The following CRIM1 variants were observed in gnomAD, a reference collection of about 807,000 sequenced individuals.
CRIM1 encodes cysteine-rich motor neuron 1 protein.
A neutral mutation model predicts 116.4 loss-of-function variants in CRIM1; 32 were observed. The observed-to-expected ratio is 0.27, with a 90% confidence interval of 0.21 to 0.37. The LOEUF (loss-of-function observed/expected upper bound fraction) is 0.37, where lower values mean the gene tolerates loss of function less well. Among genes scored for constraint, CRIM1 ranks in the 10% least tolerant of loss-of-function variants. The pLI, the probability that CRIM1 is intolerant of heterozygous loss-of-function variation, is 1.00. For synonymous variants in CRIM1, 590 were observed against 509.2 expected (o/e 1.16, Z -2.13); for missense variants, 1,331 against 1,354.8 (o/e 0.98, Z 0.28).
intron 13 of CRIM1, among the ~76,000 whole-genome samples, chr2:36,536,124 T>C (rs577377176): frequency 5.9e-5 from 9 of 152,208 alleles, no homozygotes; most frequent in Admixed American, 5.9e-4. Context: ...AAACTGGGTC[T>C]TCATAGAGAG....
At chr2:36,386,841 A>G (rs1167667543) in intron 1 of CRIM1, among the ~76,000 whole-genome samples, 1 of 152,236 alleles carries the variant, frequency 6.6e-6, no homozygotes, top group Non-Finnish European at 1.5e-5. Context: ...TAAAGGAAGT[A>G]TTAACCACTG....
chr2:36,528,352 C>T (rs1053215803), intron 13 of CRIM1, among the ~76,000 whole-genome samples: 1 of 152,238 alleles, frequency 6.6e-6, no homozygotes, highest in Admixed American at 6.5e-5. Context: ...TCACTTTGGT[C>T]ACTCCATCGT....
chr2:36,518,998 G>C (rs1665199192), intron 12 of CRIM1, among the ~76,000 whole-genome samples: 1 of 152,164 alleles, frequency 6.6e-6, no homozygotes, highest in Admixed American at 6.5e-5. Flanking sequence ...TCCACGTTAA[G>C]TCAATAATGA....
At chr2:36,539,502 C>A (rs542619687) in intron 14 of CRIM1, among the ~76,000 whole-genome samples, 1 of 152,114 alleles carries the variant, frequency 6.6e-6, no homozygotes, top group South Asian at 2.1e-4. Context: ...GAGCAGGGAG[C>A]GACAGGATCT....
rs147793935 is a variant in CRIM1 at position 36,492,880 on chromosome 2, A to G, written c.1373-6339A>G. On this transcript the variant is annotated intron_variant, in intron 7 of 16. Coordinates refer to ENST00000280527, the MANE Select transcript of CRIM1 (RefSeq NM_016441.3). ...CTGCCCAAAATAGAAAAATAAAACTACCTTAAGAAAGAGCGCCTGAAGTAA... is the reference window on the plus strand; with the variant it reads ...CTGCCCAAAATAGAAAAATAAAACTGCCTTAAGAAAGAGCGCCTGAAGTAA... Among the ~76,000 whole-genome samples the G allele has an allele frequency of 2.6e-3, 398 of 152,306 alleles. 1 individual carries two copies. The highest frequency in any genetic ancestry group is 8.8e-3 in the African/African-American group (367 of 41,574).
chr2:36,398,269 T>C lies in CRIM1; in HGVS notation c.505+1482T>C, dbSNP rs889033071. Among the ~76,000 whole-genome samples the C allele has an allele frequency of 5.9e-5, 9 of 152,200 alleles. 1 individual carries two copies. Among genetic ancestry groups the C allele is most frequent in the Admixed American group, 2.6e-4 (4 of 15,284 alleles). Reference sequence around the variant, plus strand: ...GCGTCACCATTGCTGTCATTGTCTCTACTCAGGCCCCCTTCCAGGTCATTT... The same window carrying C: ...GCGTCACCATTGCTGTCATTGTCTCCACTCAGGCCCCCTTCCAGGTCATTT... On this transcript the variant is annotated intron_variant, in intron 2 of 16. Coordinates refer to ENST00000280527, the MANE Select transcript of CRIM1 (RefSeq NM_016441.3).
chr2:36,507,144 G>T (rs1681490825), intron 8 of CRIM1, among the ~76,000 whole-genome samples: 1 of 152,150 alleles, frequency 6.6e-6, no homozygotes, highest in South Asian at 2.1e-4. Context: ...ACAGGTTCCA[G>T]CCAGCCGCAG....
chr2:36,396,684 T>C lies in CRIM1; in HGVS notation c.402T>C (p.Asn134=), dbSNP rs748070951. The C allele has an allele frequency of 6.2e-7, 1 of 1,613,646 alleles. No homozygotes were observed. The highest frequency in any genetic ancestry group is 8.5e-7 in the Non-Finnish European group (1 of 1,179,544). The part of the protein sequence containing the change: ...PCNENLIAGC[N]IINGKCECNT... ...ATGAAAACCTTATTGCTGGCTGCAA[T>C]ATAATCAATGGGAAATGTGAATGTA... The change falls in exon 2 of 17, where the codon AAT becomes AAC. Residue 134 remains asparagine (N), a synonymous_variant. Coordinates refer to ENST00000280527, the MANE Select transcript of CRIM1 (RefSeq NM_016441.3).
At chr2:36,391,437 T>G (rs1350634056) in intron 1 of CRIM1, among the ~76,000 whole-genome samples, 1 of 151,466 alleles carries the variant, frequency 6.6e-6, no homozygotes, top group Non-Finnish European at 1.5e-5. Context: ...CCACTTTTGA[T>G]TTTTTTAGAA....
intron 2 of CRIM1, among the ~76,000 whole-genome samples, chr2:36,438,379 G>A (rs190950390): frequency 1.3e-5 from 2 of 152,288 alleles, no homozygotes; most frequent in East Asian, 3.9e-4. Context: ...CAATGTGTTT[G>A]CCAGATAAGC....
At position 36,355,794 on chromosome 2, in the gene CRIM1, G is replaced by A. The variant is rs1178973363; in HGVS notation, c.-499G>A. 2.6e-5 allele frequency: 4 copies of A among 151,590 alleles called. No homozygotes were observed. Among genetic ancestry groups the A allele is most frequent in the Non-Finnish European group, 4.4e-5 (3 of 67,886 alleles). The allele number at this position is 151,590 out of a possible 1,614,324, so 9.4% of individuals were successfully genotyped here. On this transcript the variant is annotated 5_prime_UTR_variant, in exon 1 of 17. Coordinates refer to ENST00000280527, the MANE Select transcript of CRIM1 (RefSeq NM_016441.3). ...GAGCGGCGCAGGAGTGAGGCGAGCG[G>A]GGCGCGCGGAGCGGACGCCGCGGAT...
At chr2:36,500,266 A>C (rs1680894466) in intron 8 of CRIM1, among the ~76,000 whole-genome samples, 1 of 152,170 alleles carries the variant, frequency 6.6e-6, no homozygotes, top group Non-Finnish European at 1.5e-5. Context: ...GGTGGGGCAA[A>C]GGTCACAGTG....
chr2:36,436,497 A>G (rs964034972), intron 2 of CRIM1, among the ~76,000 whole-genome samples: 21 of 152,218 alleles, frequency 1.4e-4, no homozygotes, highest in African/African-American at 4.8e-4. Context: ...AAATTAAAGT[A>G]AGTGCTGGAA....
chr2:36,388,757 T>C (rs1671358173), intron 1 of CRIM1, among the ~76,000 whole-genome samples: 1 of 120,440 alleles, frequency 8.3e-6, no homozygotes, highest in Non-Finnish European at 1.7e-5. Context: ...CCTGTCCTTA[T>C]CATTTCTTGT....
intron 5 of CRIM1, among the ~76,000 whole-genome samples, chr2:36,467,412 G>A (rs952788239): frequency 6.6e-6 from 1 of 152,176 alleles, no homozygotes; most frequent in Non-Finnish European, 1.5e-5. Flanking sequence ...ATAGATGAAT[G>A]TGTCTGTGTA....
At chr2:36,399,098 C>T (rs1672241670) in intron 2 of CRIM1, among the ~76,000 whole-genome samples, 1 of 152,122 alleles carries the variant, frequency 6.6e-6, no homozygotes. Flanking sequence ...GGAAACTGGT[C>T]TGAAAGAGCA....
chr2:36,388,461 A>G (rs993229505), intron 1 of CRIM1, among the ~76,000 whole-genome samples: 8 of 152,240 alleles, frequency 5.3e-5, no homozygotes, highest in Admixed American at 6.5e-5. Context: ...TACAATTTCA[A>G]TAAAGATGCT....
rs748153367 is a variant in CRIM1, at chr2:36,477,012, G to A, written c.1115G>A (p.Gly372Asp). ...GCCATCTGCTTCACCGCCCAGTGTGGTGAGATAAACTGCGAGAGGTACTAC... is the reference window on the plus strand; with the variant it reads ...GCCATCTGCTTCACCGCCCAGTGTGATGAGATAAACTGCGAGAGGTACTAC... ...GVAICFTAQC[G>D]EINCERYYVP... Residue 372 changes from glycine (G) to aspartate (D), a missense_variant, in exon 6 of 17, where the codon GGT becomes GAT. Gly to Asp is a moderately conservative substitution (Grantham distance 94). Transcript: ENST00000280527. 6.8e-6 allele frequency: 11 copies of A among 1,613,764 alleles called. No individual in the cohort carries two copies. The highest frequency in any genetic ancestry group is 3.3e-5 in the Admixed American group (2 of 59,992).
At chr2:36,399,847 C>G (rs979524406) in intron 2 of CRIM1, among the ~76,000 whole-genome samples, 1 of 152,130 alleles carries the variant, frequency 6.6e-6, no homozygotes, top group Admixed American at 6.5e-5. Flanking sequence ...TGTGGAAAAT[C>G]AAAGAGAAAG....
Sources: allele counts gnomAD v4.1 joint callset (sites outside exome capture counted in the v4.1 genomes callset), GRCh38; gene constraint gnomAD v4.1.1; transcripts MANE v1.5; gene names NCBI Gene and HGNC (gene_info 2026-07-23, HGNC 2026-07-21).